The following HECW1 variants were observed in gnomAD, a reference collection of about 807,000 sequenced individuals.
HECW1 encodes HECT, C2 and WW domain containing E3 ubiquitin protein ligase 1.
Under a neutral mutation model 182.3 loss-of-function variants are expected in HECW1, and 61 were observed. That is an observed-to-expected ratio of 0.33 (90% CI 0.27 to 0.41). The LOEUF (loss-of-function observed/expected upper bound fraction) is 0.41. Ranked by LOEUF, HECW1 falls within the 10% of genes least tolerant of loss-of-function variation. HECW1 has a pLI of 1.00. For synonymous variants in HECW1, 859 were observed against 832.6 expected (o/e 1.03, Z -0.55); for missense variants, 1,739 against 2,108.9 (o/e 0.82, Z 3.44).
At chr7:43,425,334 A>ATAGATAGATAGATAGG (rs2076328642) in intron 8 of HECW1, among the ~76,000 whole-genome samples, 1 of 152,124 alleles carries the variant, frequency 6.6e-6, no homozygotes, top group Admixed American at 6.5e-5. Context: ...AGATAGATAG[A>ATAGATAGATAGATAGG]TAGATAGATG....
intron 29 of HECW1, among the ~76,000 whole-genome samples, chr7:43,558,371 A>G (rs73693030): frequency 0.016 from 2,384 of 152,292 alleles, 76 homozygotes; most frequent in African/African-American, 0.055. Context: ...TCTAATATGA[A>G]CATGTTTCAC....
intron 23 of HECW1, 34 bp downstream of exon 23, chr7:43,508,165 G>A: frequency 6.9e-7 from 1 of 1,444,748 alleles, no homozygotes; most frequent in Non-Finnish European, 9.7e-7. Flanking sequence ...AGACACCTAA[G>A]CAAGGGTGGG....
intron 16 of HECW1, among the ~76,000 whole-genome samples, chr7:43,476,202 C>T (rs1228453755): frequency 6.6e-6 from 1 of 152,002 alleles, no homozygotes; most frequent in Non-Finnish European, 1.5e-5. Context: ...AAAGTAAATA[C>T]ACAAATAATA....
intron 2 of HECW1, among the ~76,000 whole-genome samples, chr7:43,179,421 G>A (rs1052224613): frequency 1.3e-5 from 2 of 152,312 alleles, no homozygotes; most frequent in South Asian, 4.1e-4. Flanking sequence ...AGTTCTTTGT[G>A]CTCAAGAGCT....
At chr7:43,161,980 G>A (rs1415074378) in intron 2 of HECW1, among the ~76,000 whole-genome samples, 1 of 152,180 alleles carries the variant, frequency 6.6e-6, no homozygotes, top group Non-Finnish European at 1.5e-5. Context: ...CAGATGTGAT[G>A]GTGGCATCTG....
chr7:43,357,255 C>T (rs1041369064), intron 5 of HECW1, among the ~76,000 whole-genome samples: 3 of 152,052 alleles, frequency 2.0e-5, no homozygotes, highest in African/African-American at 4.8e-5. Context: ...ATCAATATAT[C>T]GAAGAGATAC....
At chr7:43,401,210 A>G (rs2075393509) in intron 7 of HECW1, among the ~76,000 whole-genome samples, 1 of 152,220 alleles carries the variant, frequency 6.6e-6, no homozygotes, top group Admixed American at 6.5e-5. Context: ...AATAAACTCT[A>G]AAAAGTACAA....
At position 43,445,195 on chromosome 7, in the gene HECW1, G is replaced by A. The variant is rs755443007; in HGVS notation, c.2023G>A (p.Ala675Thr). The change falls in exon 11 of 30, where the codon GCG (alanine) becomes ACG (threonine). Residue 675 changes from alanine (A) to threonine (T), a missense_variant. Physicochemically the swap from Ala to Thr is moderately conservative, Grantham distance 58 (BLOSUM62 0). Coordinates refer to ENST00000395891, the MANE Select transcript of HECW1 (RefSeq NM_015052.5). ...GGACCACAGTTGCGAGGGCTGTGAC[G>A]CGTCCTGCTGCAGCCCCTCGTGCTA... ...GGDHSCEGCDASCCSPSCYSS... is the reference protein window; with the variant it reads ...GGDHSCEGCDTSCCSPSCYSS... The A allele has an allele frequency of 3.1e-6, 5 of 1,612,794 alleles. No homozygotes were observed. The highest frequency in any genetic ancestry group is 3.3e-5 in the Admixed American group (2 of 60,010).
At chr7:43,347,481 T>C (rs369092684) in intron 5 of HECW1, among the ~76,000 whole-genome samples, 3 of 152,202 alleles carry the variant, frequency 2.0e-5, no homozygotes, top group South Asian at 2.1e-4. Flanking sequence ...AGTGACAGTT[T>C]GACTTCCTCT....
intron 3 of HECW1, among the ~76,000 whole-genome samples, chr7:43,276,181 C>G (rs1002665938): frequency 6.6e-6 from 1 of 152,170 alleles, no homozygotes; most frequent in African/African-American, 2.4e-5. Flanking sequence ...TACATAACAA[C>G]TATGCCAGGG....
intron 5 of HECW1, among the ~76,000 whole-genome samples, chr7:43,332,159 A>G (rs1342510393): frequency 1.3e-5 from 2 of 152,034 alleles, no homozygotes; most frequent in African/African-American, 2.4e-5. Flanking sequence ...AGTGATTTTC[A>G]TCTACACAGA....
At chr7:43,323,522 G>A (rs1810389437) in intron 5 of HECW1, among the ~76,000 whole-genome samples, 1 of 152,128 alleles carries the variant, frequency 6.6e-6, no homozygotes, top group African/African-American at 2.4e-5. Flanking sequence ...GGAAGTTGAG[G>A]CTGCAGTGAG....
At chr7:43,484,647 A>G (rs2078560557) in intron 17 of HECW1, 1 of 152,180 alleles carries the variant, frequency 6.6e-6, no homozygotes, top group Non-Finnish European at 1.5e-5. Flanking sequence ...TTTTCTTCAA[A>G]CCCCAATGGC....
intron 8 of HECW1, among the ~76,000 whole-genome samples, chr7:43,410,567 C>T (rs2075769037): frequency 6.6e-6 from 1 of 152,148 alleles, no homozygotes; most frequent in Non-Finnish European, 1.5e-5. Flanking sequence ...AAGTTTTCCT[C>T]CTCATATTTT....
intron 5 of HECW1, among the ~76,000 whole-genome samples, chr7:43,334,599 A>T (rs767716803): frequency 6.6e-6 from 1 of 152,246 alleles, no homozygotes; most frequent in African/African-American, 2.4e-5. Context: ...ATTTAGACTT[A>T]CATTGCTGTT....
intron 2 of HECW1, among the ~76,000 whole-genome samples, chr7:43,195,202 AAAAAG>A (rs1428997669): frequency 1.3e-5 from 2 of 152,254 alleles, no homozygotes; most frequent in African/African-American, 4.8e-5. Flanking sequence ...TTTCCCAAGA[AAAAAG>A]AAAGAAGTGT....
chr7:43,398,621 A>C (rs1233600388), intron 7 of HECW1, among the ~76,000 whole-genome samples: 2 of 152,122 alleles, frequency 1.3e-5, no homozygotes, highest in Non-Finnish European at 2.9e-5. Flanking sequence ...TGAAGAAAAA[A>C]AAAAAGAAGA....
intron 21 of HECW1, among the ~76,000 whole-genome samples, chr7:43,506,041 T>A (rs190068115): frequency 1.3e-5 from 2 of 152,362 alleles, no homozygotes; most frequent in African/African-American, 4.8e-5. Context: ...AAAAGGTATA[T>A]ATAGTAAAGT....
chr7:43,488,428 AAG>A (rs768380245), intron 17 of HECW1, among the ~76,000 whole-genome samples: 2 of 108,138 alleles, frequency 1.8e-5, no homozygotes, highest in African/African-American at 7.4e-5. Flanking sequence ...GAGAGAAAGA[AAG>A]AAAGAGAAAG....
Sources: allele counts gnomAD v4.1 joint callset (sites outside exome capture counted in the v4.1 genomes callset), GRCh38; gene constraint gnomAD v4.1.1; transcripts MANE v1.5; gene names NCBI Gene and HGNC (gene_info 2026-07-23, HGNC 2026-07-21).